Variants in ERO1B observed in about 807,000 individuals in gnomAD.
ERO1B encodes the protein ERO1-like protein beta.
ERO1B carries 49 observed loss-of-function variants against 75.3 expected under a neutral mutation model. The ratio of observed to expected loss-of-function variants is 0.65; its 90% confidence interval spans 0.52 to 0.83. The LOEUF is 0.83. Among genes scored for constraint, ERO1B ranks in the 40% least tolerant of loss-of-function variants. The pLI is 0.00. For synonymous variants in ERO1B, 191 were observed against 192.9 expected, an observed-to-expected ratio of 0.99 and a Z score of 0.08; for missense variants, 512 against 560.1, an observed-to-expected ratio of 0.91 and a Z score of 0.87.
At chr1:236,236,481 C>CA in intron 6 of ERO1B, 83 bp from the exon 7 acceptor site, 2 of 1,439,788 alleles carry the variant, frequency 1.4e-6, no homozygotes, top group Non-Finnish European at 1.9e-6. Flanking sequence ...CCGGACTACT[C>CA]AAAGGTAAGA....
At chr1:236,241,056 T>A (rs1396906147) in intron 6 of ERO1B, among the ~76,000 whole-genome samples, 2 of 152,046 alleles carry the variant, frequency 1.3e-5, no homozygotes, top group African/African-American at 4.8e-5. Flanking sequence ...TAAATTATTT[T>A]AAAAACTACT....
At chr1:236,221,394 GTAA>G (rs1210503576) in intron 14 of ERO1B, among the ~76,000 whole-genome samples, 3 of 152,078 alleles carry the variant, frequency 2.0e-5, no homozygotes, top group African/African-American at 4.8e-5. Context: ...AGCCTCCACT[GTAA>G]TAATTTTGTC....
chr1:236,258,075 A>C (rs977836250), intron 2 of ERO1B, among the ~76,000 whole-genome samples: 1 of 143,348 alleles, frequency 7.0e-6, no homozygotes, highest in Non-Finnish European at 1.5e-5. Context: ...CCCTCCTGTT[A>C]GCTTGCTTAT....
chr1:236,258,211 G>A (rs994134791), intron 2 of ERO1B, among the ~76,000 whole-genome samples: 20 of 144,646 alleles, frequency 1.4e-4, no homozygotes, highest in East Asian at 6.0e-4. Context: ...GGAGGAATCC[G>A]AAGAGACTCA....
At chr1:236,269,429 G>A (rs1483249238) in intron 2 of ERO1B, among the ~76,000 whole-genome samples, 1 of 152,240 alleles carries the variant, frequency 6.6e-6, no homozygotes, top group East Asian at 1.9e-4. Flanking sequence ...ATCACTGTCG[G>A]TAGTGGTCTA....
rs1664531568 is a variant in ERO1B, at chr1:236,235,984, G to A, written c.627-149C>T. ...TAGTCACCCAGGCTGGAGTACAGTG[G>A]CGCAATCTCTGCTCATTGTAACCTC... On this transcript the variant is annotated intron_variant, in intron 7 of 15. Coordinates refer to ENST00000354619, the MANE Select transcript of ERO1B (RefSeq NM_019891.4). 19 of 724,870 alleles carry A rather than the reference G, an allele frequency of 2.6e-5. No homozygotes were observed. In the South Asian group the frequency reaches 3.5e-4, roughly 14 times the overall value. The allele number at this position is 724,870 out of a possible 1,614,324, so 44.9% of individuals were successfully genotyped here.
chr1:236,231,633 G>GT (rs5781871), intron 9 of ERO1B, among the ~76,000 whole-genome samples: 51 of 150,520 alleles, frequency 3.4e-4, no homozygotes, highest in Admixed American at 5.3e-4. Context: ...CCTTGATGTT[G>GT]TTTTTTTTTA....
intron 2 of ERO1B, among the ~76,000 whole-genome samples, chr1:236,255,308 G>A (rs1485832590): frequency 1.3e-5 from 2 of 151,906 alleles, no homozygotes; most frequent in Non-Finnish European, 2.9e-5. Flanking sequence ...TCACTCTTTC[G>A]CCGCATTCAA....
chr1:236,250,922 G>T (rs966220076), intron 4 of ERO1B, among the ~76,000 whole-genome samples: 3 of 151,922 alleles, frequency 2.0e-5, no homozygotes, highest in Non-Finnish European at 4.4e-5. Flanking sequence ...GCCTTTACAG[G>T]TAGACCTAGA....
At chr1:236,275,374 A>G (rs1665688044) in intron 1 of ERO1B, among the ~76,000 whole-genome samples, 1 of 152,222 alleles carries the variant, frequency 6.6e-6, no homozygotes, top group Admixed American at 6.5e-5. Context: ...CAGAACTCAG[A>G]AAGACACTTT....
chr1:236,253,560 A>C, intron 2 of ERO1B, 55 bp from the exon 3 acceptor site: 2 of 1,172,426 alleles, frequency 1.7e-6, no homozygotes, highest in African/African-American at 1.5e-5. Context: ...GGGTGCTCTC[A>C]AAGTGTCATT....
chr1:236,263,124 C>T (rs1388855790), intron 2 of ERO1B, among the ~76,000 whole-genome samples: 4 of 152,176 alleles, frequency 2.6e-5, no homozygotes, highest in African/African-American at 7.2e-5. Context: ...AACTGTTGTT[C>T]CCAAGAGTAT....
intron 1 of ERO1B, among the ~76,000 whole-genome samples, chr1:236,276,922 G>A (rs544550113): frequency 2.0e-5 from 3 of 152,226 alleles, no homozygotes; most frequent in South Asian, 2.1e-4. Context: ...TCATGGGGGC[G>A]GACTTCCCCC....
At chr1:236,269,605 G>GT (rs1223178842) in intron 2 of ERO1B, among the ~76,000 whole-genome samples, 2 of 152,316 alleles carry the variant, frequency 1.3e-5, no homozygotes, top group African/African-American at 4.8e-5. Flanking sequence ...GGCTGACAAA[G>GT]TAAGTCTGTG....
chr1:236,254,779 A>G (rs1665120746), intron 2 of ERO1B, among the ~76,000 whole-genome samples: 2 of 151,478 alleles, frequency 1.3e-5, no homozygotes, highest in East Asian at 3.9e-4. Flanking sequence ...CGCCTGGCTA[A>G]TTTTTGTATT....
At chr1:236,249,025 CTTT>C (rs11367113) in intron 5 of ERO1B, among the ~76,000 whole-genome samples, 29 of 118,126 alleles carry the variant, frequency 2.5e-4, no homozygotes, top group Middle Eastern at 4.4e-3. Context: ...AAATACAAAT[CTTT>C]TTTTTTTTTT....
chr1:236,220,598 T>A, intron 15 of ERO1B: 1 of 301,932 alleles, frequency 3.3e-6, no homozygotes, highest in Non-Finnish European at 6.0e-6. Context: ...ATATCTCCCT[T>A]ACAAAATTAA....
chr1:236,239,877 A>ATATGTATATATATGTGTATATGTG (rs1572042468), intron 6 of ERO1B, among the ~76,000 whole-genome samples: 366 of 95,700 alleles, frequency 3.8e-3, no homozygotes, highest in African/African-American at 9.4e-3. Context: ...ATATGTGTAT[A>ATATGTATATATATGTGTATATGTG]TGTGTGTGTG....
At chr1:236,274,610 T>C (rs1379548357) in intron 1 of ERO1B, among the ~76,000 whole-genome samples, 1 of 152,202 alleles carries the variant, frequency 6.6e-6, no homozygotes, top group Non-Finnish European at 1.5e-5. Context: ...TATTATCCCA[T>C]TGTCTCTTTA....
Sources: allele counts gnomAD v4.1 joint callset (sites outside exome capture counted in the v4.1 genomes callset), GRCh38; gene constraint gnomAD v4.1.1; transcripts MANE v1.5; gene names NCBI Gene and HGNC (gene_info 2026-07-23, HGNC 2026-07-21).